The following CDKL5 variants were observed in gnomAD, a reference collection of about 807,000 sequenced individuals.
CDKL5 encodes the protein cyclin dependent kinase like 5.
CDKL5 carries 8 observed loss-of-function variants against 61.7 expected under a neutral mutation model. The observed-to-expected ratio is 0.13, with a 90% CI of 0.08 to 0.23. The LOEUF is 0.23. Among genes scored for constraint, CDKL5 ranks in the 10% least tolerant of loss-of-function variants. The pLI, the probability that CDKL5 is intolerant of heterozygous loss-of-function variation, is 1.00. For synonymous variants in CDKL5, 275 were observed against 272.3 expected (o/e 1.01, Z -0.10); for missense variants, 440 against 734.5 (o/e 0.60, Z 4.63).
At chrX:18,624,422 C>A (rs895075787) in intron 16 of CDKL5, among the ~76,000 whole-genome samples, 1 of 112,319 alleles carries the variant, frequency 8.9e-6, no homozygotes, top group Non-Finnish European at 1.9e-5. Context: ...CTAACAGGCT[C>A]CATGAAAAAA....
chrX:18,624,994 G>T (rs1433122640), intron 16 of CDKL5, 134 bp from the exon 17 acceptor site: 3 of 574,710 alleles, frequency 5.2e-6, no homozygotes, highest in Non-Finnish European at 9.1e-6. Flanking sequence ...AGAGATTGGG[G>T]TTCTATTTTT....
intron 21 of CDKL5, among the ~76,000 whole-genome samples, chrX:18,652,025 C>G (rs769860092): frequency 9.1e-6 from 1 of 110,412 alleles, no homozygotes; most frequent in South Asian, 3.9e-4. Flanking sequence ...GGTGCTACCT[C>G]CCCAGCACCC....
Position 18,636,365 on chromosome X carries a change from T to TATTATTATG in CDKL5, c.*7616_*7617insGATTATTAT, listed in dbSNP as rs1927388239. ...TTATTATTATTATTATTATTATTATTATTATTATTATTATTATTTTCACAA... is the reference window on the plus strand; with the variant it reads ...TTATTATTATTATTATTATTATTATTATTATTATGATTATTATTATTATTATTTTCACAA... On this transcript the variant is annotated 3_prime_UTR_variant, in exon 18 of 18. Transcript: ENST00000623535. The TATTATTATG allele has an allele frequency of 9.7e-6, 1 of 102,870 alleles. No individual in the cohort carries two copies. The highest frequency in any genetic ancestry group is 4.1e-4 in the South Asian group (1 of 2,436). The allele number at this position is 102,870 out of a possible 1,213,427, so 8.5% of individuals were successfully genotyped here. A position where few individuals can be genotyped will look rare whatever the true frequency, so the allele number is the denominator to read the frequency against.
intron 3 of CDKL5, among the ~76,000 whole-genome samples, chrX:18,563,554 A>G (rs1442591733): frequency 9.0e-6 from 1 of 111,493 alleles, no homozygotes; most frequent in Non-Finnish European, 1.9e-5. Context: ...TTTCCTCCAT[A>G]ATTTATAGCA....
At chrX:18,572,176 A>G (rs917947634) in intron 4 of CDKL5, among the ~76,000 whole-genome samples, 1 of 111,598 alleles carries the variant, frequency 9.0e-6, no homozygotes, top group African/African-American at 3.3e-5. Flanking sequence ...TACTGATGAA[A>G]AGTTAAGTGG....
chrX:18,428,417 T>C (rs1243819291), intron 1 of CDKL5, among the ~76,000 whole-genome samples: 1 of 112,396 alleles, frequency 8.9e-6, no homozygotes, highest in Non-Finnish European at 1.9e-5. Flanking sequence ...AAATTCACAT[T>C]CTCTCCCCTT....
intron 3 of CDKL5, among the ~76,000 whole-genome samples, chrX:18,523,170 A>T (rs1011034254): frequency 1.4e-4 from 16 of 111,257 alleles, no homozygotes. Flanking sequence ...CTAAGGCCGC[A>T]GTTTGACATT....
intron 1 of CDKL5, among the ~76,000 whole-genome samples, chrX:18,476,226 AT>A (rs1307047071): frequency 1.8e-5 from 2 of 109,597 alleles, no homozygotes; most frequent in Non-Finnish European, 3.8e-5. Context: ...TCTTTTTTTA[AT>A]TTTTGAGATG....
chrX:18,539,977 A>G, intron 3 of CDKL5, among the ~76,000 whole-genome samples: 1 of 112,259 alleles, frequency 8.9e-6, no homozygotes, highest in Non-Finnish European at 1.9e-5. Context: ...TCTTCTACGT[A>G]CATTGAGCAC....
rs1801357394 is a variant in CDKL5 at position 18,522,449 on chromosome X, A to G, written c.99+11595A>G. Among the ~76,000 whole-genome samples, 5 of 102,668 alleles carry G rather than the reference A, an allele frequency of 4.9e-5. 1 individual carries two copies. In the Admixed American group the frequency reaches 5.5e-4, roughly 11 times the overall value. The allele number at this position is 102,668 out of a possible 115,157, so 89.2% of individuals were successfully genotyped here. A position where few individuals can be genotyped will look rare whatever the true frequency, so the allele number is the denominator to read the frequency against. ...AACCTCTGCCTCCTGGGTTCAAGCA[A>G]TTCTCATGCCTCAGCCTCCTGAGTA... On this transcript the variant is annotated intron_variant, in intron 3 of 17. Transcript: ENST00000623535.
chrX:18,448,785 T>C (rs1015987265), intron 1 of CDKL5, among the ~76,000 whole-genome samples: 5 of 112,401 alleles, frequency 4.4e-5, no homozygotes, highest in African/African-American at 9.7e-5. Context: ...TCCTCTATTT[T>C]ATTACCTTTC....
intron 4 of CDKL5, 60 bp downstream of exon 4, chrX:18,564,582 G>A (rs973890765): frequency 2.4e-6 from 1 of 411,733 alleles, no homozygotes; most frequent in Non-Finnish European, 3.6e-6. Flanking sequence ...TCTGTATAAA[G>A]TTTTTATACA....
intron 3 of CDKL5, among the ~76,000 whole-genome samples, chrX:18,544,442 A>T (rs776919054): frequency 8.9e-6 from 1 of 112,103 alleles, no homozygotes; most frequent in East Asian, 2.8e-4. Context: ...TTTTACTTGT[A>T]TCTTCTCATT....
chrX:18,556,050 A>G (rs185806907), intron 3 of CDKL5, among the ~76,000 whole-genome samples: 24 of 112,081 alleles, frequency 2.1e-4, no homozygotes, highest in Admixed American at 7.6e-4. Context: ...TTATATTTCT[A>G]TAGTACTTGG....
At position 18,450,563 on chromosome X, in the gene CDKL5, A is replaced by T. The variant is rs185420316; in HGVS notation, c.-163+24868A>T. Among the ~76,000 whole-genome samples, 6 of 111,664 alleles carry T rather than the reference A, an allele frequency of 5.4e-5. No individual in the cohort carries two copies. The East Asian group carries it at 1.7e-3, about 31-fold the overall frequency. On this transcript the variant is annotated intron_variant, in intron 1 of 17. Coordinates refer to ENST00000623535, the MANE Select transcript of CDKL5 (RefSeq NM_001323289.2). ...AGGGATAAATATTAGCATACTATAT[A>T]TATAGTTACATTTTGAGGCTTTTTT...
chrX:18,490,467 GAA>G (rs35163585), intron 1 of CDKL5, among the ~76,000 whole-genome samples: 1 of 99,568 alleles, frequency 1.0e-5, no homozygotes. Context: ...GCTGTCTGGG[GAA>G]AAAAAAAAAG....
intron 1 of CDKL5, among the ~76,000 whole-genome samples, chrX:18,469,438 C>T (rs1022264713): frequency 1.6e-4 from 17 of 105,899 alleles, no homozygotes; most frequent in Non-Finnish European, 2.3e-4. Flanking sequence ...CACCTGAGTT[C>T]GGGAGTTCGA....
intron 2 of CDKL5, among the ~76,000 whole-genome samples, chrX:18,509,197 G>GCACACGCGCGCGCACACACACA (rs1555940192): frequency 1.6e-5 from 1 of 64,314 alleles, no homozygotes; most frequent in African/African-American, 5.9e-5. Context: ...CTCAAAACAC[G>GCACACGCGCGCGCACACACACA]CACACACACA....
At chrX:18,510,018 GAAAA>G (rs1164820299) in intron 2 of CDKL5, among the ~76,000 whole-genome samples, 1 of 62,817 alleles carries the variant, frequency 1.6e-5, no homozygotes, top group East Asian at 5.5e-4. Flanking sequence ...AAACAAAACA[GAAAA>G]AAAAAAAAAA....
Sources: gnomAD v4.1 joint callset for allele counts (sites outside exome capture counted in the v4.1 genomes callset) on GRCh38, gnomAD v4.1.1 for gene constraint, MANE v1.5 for transcripts, NCBI Gene and HGNC (gene_info 2026-07-23, HGNC 2026-07-21) for gene names.